CARS2: variants seen among roughly 807,000 people sequenced by gnomAD.
The protein encoded by CARS2 is probable cysteine--tRNA ligase, mitochondrial.
In CARS2, 52 loss-of-function variants were observed where a neutral mutation model predicts 68.8. The observed-to-expected ratio is 0.76, with a 90% CI of 0.61 to 0.95. CARS2 has a LOEUF of 0.95. Ranked by LOEUF, CARS2 falls within the 40% of genes least tolerant of loss-of-function variation. The pLI, the probability that CARS2 is intolerant of heterozygous loss-of-function variation, is 0.00. For missense variants in CARS2, 780 were observed against 754.2 expected (o/e 1.03, Z -0.40); for synonymous variants, 314 against 303.6 (o/e 1.03, Z -0.36).
chr13:110,708,473 A>G (rs2064001513), upstream of CARS2, among the ~76,000 whole-genome samples: 1 of 152,270 alleles, frequency 6.6e-6, no homozygotes, highest in African/African-American at 2.4e-5. Context: ...TGAATTGTTC[A>G]TAGAACATCA....
chr13:110,650,998 TGGGG>T, intron 10 of CARS2, 32 bp downstream of exon 10: 3 of 1,503,628 alleles, frequency 2.0e-6, no homozygotes, highest in Non-Finnish European at 2.8e-6. Context: ...GTCTCCGAGC[TGGGG>T]GGGGAGTCCA....
intron 6 of CARS2, among the ~76,000 whole-genome samples, chr13:110,678,868 G>C (rs1040214374): frequency 6.6e-6 from 1 of 152,184 alleles, no homozygotes; most frequent in African/African-American, 2.4e-5. Flanking sequence ...GGCTACAGAA[G>C]GCAGCGCAGG....
chr13:110,682,255 A>C (rs1036034068), intron 6 of CARS2, among the ~76,000 whole-genome samples: 2 of 152,136 alleles, frequency 1.3e-5, no homozygotes, highest in South Asian at 4.1e-4. Flanking sequence ...AGAATGTACA[A>C]CTCTCAGAAA....
intron 6 of CARS2, among the ~76,000 whole-genome samples, chr13:110,677,633 A>T (rs2063000673): frequency 5.7e-5 from 1 of 17,490 alleles, no homozygotes; most frequent in African/African-American, 1.5e-4. Flanking sequence ...ACCCCACCAC[A>T]GAAACTCAGT....
intron 3 of CARS2, 163 bp downstream of exon 3, chr13:110,701,275 G>A: frequency 1.9e-6 from 1 of 539,046 alleles, no homozygotes. Flanking sequence ...TGTTTGTCAG[G>A]CTGGCCTCAA....
chr13:110,712,641 C>T (rs956552257), intron 1 of CARS2: 13 of 570,242 alleles, frequency 2.3e-5, no homozygotes, highest in Non-Finnish European at 4.3e-5. Flanking sequence ...AGGGGCGACG[C>T]GGGGGAGGGC....
chr13:110,656,035 G>A (rs974315677), intron 9 of CARS2, among the ~76,000 whole-genome samples: 1 of 152,252 alleles, frequency 6.6e-6, no homozygotes, highest in Non-Finnish European at 1.5e-5. Flanking sequence ...ACTGGATGCA[G>A]TGGCTCACGC....
At chr13:110,693,378 T>C (rs2063530369) in intron 3 of CARS2, among the ~76,000 whole-genome samples, 1 of 151,718 alleles carries the variant, frequency 6.6e-6, no homozygotes, top group Non-Finnish European at 1.5e-5. Flanking sequence ...TTCTTTTTTT[T>C]TGAGGCAGTC....
chr13:110,702,690 A>G (rs1015985553), intron 2 of CARS2, among the ~76,000 whole-genome samples: 1 of 152,234 alleles, frequency 6.6e-6, no homozygotes. Flanking sequence ...GGCGGAATGC[A>G]GGGTCATGAG....
intron 1 of CARS2, chr13:110,712,888 G>T: frequency 1.4e-6 from 2 of 1,430,564 alleles, no homozygotes; most frequent in Non-Finnish European, 9.6e-7. Context: ...ACTGAGTACC[G>T]GGAGACGACA....
intron 11 of CARS2, chr13:110,646,297 C>G (rs1024251586): frequency 3.7e-6 from 2 of 541,152 alleles, no homozygotes; most frequent in African/African-American, 3.9e-5. Context: ...AGAAAAAGTC[C>G]CAGAGCAGAG....
chr13:110,713,005 C>A, intron 1 of CARS2: 2 of 1,540,970 alleles, frequency 1.3e-6, no homozygotes. Context: ...TCTGCGGCCG[C>A]AGCTCAAAGG....
At chr13:110,655,546 G>A (rs2062343129) in intron 9 of CARS2, among the ~76,000 whole-genome samples, 1 of 152,208 alleles carries the variant, frequency 6.6e-6, no homozygotes, top group African/African-American at 2.4e-5. Context: ...AAAGTGAGAA[G>A]CACAGCTATA....
At chr13:110,646,945 C>T in intron 11 of CARS2, 156 bp downstream of exon 11, 2 of 868,810 alleles carry the variant, frequency 2.3e-6, no homozygotes, top group Non-Finnish European at 3.4e-6. Context: ...TGCCCAGCAC[C>T]CTGTCTCCTG....
At position 110,642,435 on chromosome 13, in the gene CARS2, C is replaced by T. The variant is rs753425826; in HGVS notation, c.1503G>A (p.Ala501=). 7.5e-5 allele frequency: 121 copies of T among 1,606,218 alleles called. No homozygotes were observed. The highest frequency in any genetic ancestry group is 2.2e-4 in the Admixed American group (13 of 59,356). ...CCCCCGTGGCCTCGGGCATGGCCAGCGCAAACTGCCGGACCTTCTGCCGGA... is the reference window on the plus strand; with the variant it reads ...CCCCCGTGGCCTCGGGCATGGCCAGTGCAAACTGCCGGACCTTCTGCCGGA... ...VRFRQKVRQF[A]LAMPEATGDA... The change falls in exon 14 of 15, where the codon GCG becomes GCA. Residue 501 remains alanine, a synonymous_variant. Transcript: ENST00000257347.
At chr13:110,683,030 G>T in intron 6 of CARS2, 21 bp downstream of exon 6, 2 of 1,584,832 alleles carry the variant, frequency 1.3e-6, no homozygotes, top group Non-Finnish European at 1.7e-6. Context: ...GGACCCACAG[G>T]GCTGAGCCCG....
chr13:110,701,364 A>G, intron 3 of CARS2, 74 bp downstream of exon 3: 1 of 791,732 alleles, frequency 1.3e-6, no homozygotes, highest in Admixed American at 1.9e-5. Context: ...ACGCCCGGCC[A>G]AGAACCACTT....
chr13:110,665,726 C>A lies in CARS2; in HGVS notation c.919+1614G>T. The A allele has an allele frequency of 1.0e-6, 1 of 985,338 alleles. No homozygotes were observed. The highest frequency in any genetic ancestry group is 1.2e-6 in the Non-Finnish European group (1 of 829,918). 61.0% of individuals were successfully genotyped at this position (985,338 alleles called of 1,614,324 possible). A position where few individuals can be genotyped will look rare whatever the true frequency, so the allele number is the denominator to read the frequency against. On this transcript the variant is annotated intron_variant, in intron 8 of 14. Coordinates refer to ENST00000257347, the MANE Select transcript of CARS2 (RefSeq NM_024537.4). This position sits in a 1 kb window ranked among gnomAD's most constrained non-coding sequence, Gnocchi z 4.3. ...ACAGTTCAGGGAGCGCTGAACTGAG[C>A]CCTGAACGAAGTCAACGAGGAAGTG...
chr13:110,667,271 C>A, intron 8 of CARS2, 69 bp downstream of exon 8: 1 of 1,386,174 alleles, frequency 7.2e-7, no homozygotes, highest in Non-Finnish European at 1.0e-6. Context: ...CCAAATGTAG[C>A]TGTTCCGCCG....
Sources: allele counts gnomAD v4.1 joint callset (sites outside exome capture counted in the v4.1 genomes callset), GRCh38; gene constraint gnomAD v4.1.1; non-coding constraint Gnocchi (gnomAD v3.1); transcripts MANE v1.5; gene names NCBI Gene and HGNC (gene_info 2026-07-23, HGNC 2026-07-21).